Variants in IFT122 observed in about 807,000 individuals in gnomAD.
The protein encoded by IFT122 is intraflagellar transport protein 122 homolog.
A neutral mutation model predicts 161.6 loss-of-function variants in IFT122; 118 were observed. The ratio of observed to expected loss-of-function variants is 0.73; its 90% CI spans 0.63 to 0.85. The LOEUF (loss-of-function observed/expected upper bound fraction) is 0.85, where lower values mean the gene tolerates loss of function less well. IFT122 is among the 40% of genes least tolerant of loss of function. The probability of loss-of-function intolerance (pLI) is 0.00; values close to 1 mark genes in which losing one functional copy is unlikely to be tolerated. For synonymous variants in IFT122, 550 were observed against 602.4 expected, an observed-to-expected ratio of 0.91 and a Z score of 1.27; for missense variants, 1,381 against 1,579.6, an observed-to-expected ratio of 0.87 and a Z score of 2.13.
chr3:129,462,177 A>G (rs868669329), intron 5 of IFT122, among the ~76,000 whole-genome samples: 1 of 152,364 alleles, frequency 6.6e-6, no homozygotes, highest in Non-Finnish European at 1.5e-5. Flanking sequence ...TTTGTTTAAC[A>G]TATTTTATAG....
chr3:129,440,632 T>C (rs2072884872), intron 1 of IFT122, among the ~76,000 whole-genome samples: 1 of 152,214 alleles, frequency 6.6e-6, no homozygotes, highest in Non-Finnish European at 1.5e-5. Flanking sequence ...TCTGGCCCTG[T>C]CGCTGCCTTG....
chr3:129,454,426 C>G (rs1382046138), intron 3 of IFT122, among the ~76,000 whole-genome samples: 1 of 150,528 alleles, frequency 6.6e-6, no homozygotes, highest in Non-Finnish European at 1.5e-5. Context: ...AGTCATGTGA[C>G]TTGCCAAGGC....
intron 3 of IFT122, among the ~76,000 whole-genome samples, chr3:129,458,173 A>G (rs985786371): frequency 2.6e-5 from 4 of 152,228 alleles, no homozygotes; most frequent in African/African-American, 9.6e-5. Flanking sequence ...TATAATTATT[A>G]TTTGTCAAAA....
intron 27 of IFT122, among the ~76,000 whole-genome samples, chr3:129,517,975 T>A (rs2084209316): frequency 6.6e-6 from 1 of 152,186 alleles, no homozygotes; most frequent in African/African-American, 2.4e-5. Flanking sequence ...CGCATGCAAG[T>A]GACAGAGTCC....
chr3:129,447,488 A>G (rs1025564641), intron 1 of IFT122, among the ~76,000 whole-genome samples: 5 of 152,188 alleles, frequency 3.3e-5, no homozygotes, highest in Non-Finnish European at 7.3e-5. Flanking sequence ...TTCGGGTACT[A>G]GGCTTCAGAA....
At position 129,520,346 on chromosome 3, in the gene IFT122, T is replaced by A; in HGVS notation, c.*81T>A. Reference sequence around the variant, plus strand: ...TGAAGGAGAATAAAGAGTTAAACTGTCAGAATGTGTTTCTTGCCCAGATGA... The same window carrying A: ...TGAAGGAGAATAAAGAGTTAAACTGACAGAATGTGTTTCTTGCCCAGATGA... On this transcript the variant is annotated 3_prime_UTR_variant, in exon 30 of 30. Transcript: ENST00000348417. 1 of 1,093,306 alleles carries A rather than the reference T, an allele frequency of 9.1e-7. No individual in the cohort carries two copies. The highest frequency in any genetic ancestry group is 1.4e-6 in the Non-Finnish European group (1 of 739,336). The allele number at this position is 1,093,306 out of a possible 1,614,324, so 67.7% of individuals were successfully genotyped here.
chr3:129,519,871 C>A, intron 29 of IFT122, 139 bp downstream of exon 29: 2 of 1,034,608 alleles, frequency 1.9e-6, no homozygotes, highest in African/African-American at 1.6e-5. Flanking sequence ...TGTCTGTCCT[C>A]TCCCCTGCTT....
At chr3:129,459,115 A>C (rs1016605986) in intron 4 of IFT122, among the ~76,000 whole-genome samples, 1 of 152,040 alleles carries the variant, frequency 6.6e-6, no homozygotes, top group Admixed American at 6.5e-5. Flanking sequence ...TACCCTGCAG[A>C]TCTCAGACTC....
Position 129,488,348 on chromosome 3 carries a change from A to C in IFT122, c.1943A>C (p.Glu648Ala), listed in dbSNP as rs144397126. 0.014 allele frequency: 22,366 copies of C among 1,613,248 alleles called. 197 individuals carry two copies. The highest frequency in any genetic ancestry group is 0.016 in the Non-Finnish European group (19,061 of 1,179,806). Residue 648 changes from glutamate to alanine, a missense_variant, in exon 16 of 30, where the codon GAA (glutamate) becomes GCA (alanine). This residue lies in a region of IFT122 where 7 missense variants were observed against 19.4 expected (regional missense o/e 0.36). Transcript: ENST00000348417. ...CLGVTDTDWR[E>A]LAMEALEGLD... The stretch of plus-strand genomic sequence containing the variant: ...GGTGTCACAGACACTGATTGGCGTG[A>C]ACTGGCCATGGAAGCGCTAGAAGGT...
At chr3:129,493,405 G>A (rs988960810) in intron 17 of IFT122, among the ~76,000 whole-genome samples, 1 of 152,182 alleles carries the variant, frequency 6.6e-6, no homozygotes, top group African/African-American at 2.4e-5. Flanking sequence ...GCCTCATAAC[G>A]TAATCTGCTC....
At chr3:129,446,341 C>G (rs2073991353) in intron 1 of IFT122, among the ~76,000 whole-genome samples, 1 of 151,910 alleles carries the variant, frequency 6.6e-6, no homozygotes. Context: ...TCTCCTGCCT[C>G]ATCCTCCCGT....
intron 4 of IFT122, chr3:129,460,910 A>G (rs1445129376): frequency 6.2e-7 from 1 of 1,614,020 alleles, no homozygotes; most frequent in Admixed American, 1.7e-5. Context: ...GGCCTCCACA[A>G]AACAGTAAGA....
intron 3 of IFT122, chr3:129,456,378 C>G (rs1386031037): frequency 1.2e-6 from 1 of 834,164 alleles, no homozygotes; most frequent in Non-Finnish European, 1.6e-6. Context: ...GTGGCTCATG[C>G]TTGTGATCTC....
intron 3 of IFT122, 57 bp downstream of exon 3, chr3:129,452,055 T>C: frequency 7.9e-7 from 1 of 1,265,158 alleles, no homozygotes; most frequent in Non-Finnish European, 1.2e-6. Flanking sequence ...TGTTCATTTT[T>C]CTCTTTAGTC....
intron 3 of IFT122, 23 bp downstream of exon 3, chr3:129,452,021 C>G: frequency 6.5e-7 from 1 of 1,532,802 alleles, no homozygotes; most frequent in African/African-American, 1.4e-5. Flanking sequence ...TCTGGGTTTC[C>G]ATTCTCTATA....
Position 129,449,940 on chromosome 3 carries a change from AG to A in IFT122, c.108+5del. The A allele has an allele frequency of 1.2e-6, 2 of 1,603,052 alleles. No homozygotes were observed. Among genetic ancestry groups the A allele is most frequent in the Non-Finnish European group, 1.7e-6 (2 of 1,170,332 alleles). On this transcript the variant is annotated splice_donor_region_variant and intron_variant, in intron 2 of 29. Coordinates refer to ENST00000348417, the MANE Select transcript of IFT122 (RefSeq NM_052989.3). ...TGGCTGCCGGAAGCAGATTACTGGT[AG>A]GATTTTGTCTTAGTTTCCTCTTAAA...
At chr3:129,490,719 GGGCT>G (rs2079978997) in intron 16 of IFT122, among the ~76,000 whole-genome samples, 1 of 152,174 alleles carries the variant, frequency 6.6e-6, no homozygotes. Context: ...CCACTGTGCT[GGGCT>G]TTGCAGGGTT....
chr3:129,467,161 G>A (rs1476552812), intron 8 of IFT122, 95 bp downstream of exon 8: 1 of 1,199,024 alleles, frequency 8.3e-7, no homozygotes, highest in East Asian at 2.5e-5. Context: ...GGCCAAGGGA[G>A]TGCAGGGACT....
chr3:129,466,833 A>G (rs1471418523), intron 7 of IFT122, 57 bp from the exon 8 acceptor site: 6 of 1,539,508 alleles, frequency 3.9e-6, no homozygotes, highest in Non-Finnish European at 4.5e-6. Flanking sequence ...ATTTTAAATT[A>G]TAGTTTTAGT....
Sources: allele counts gnomAD v4.1 joint callset (sites outside exome capture counted in the v4.1 genomes callset), GRCh38; gene constraint gnomAD v4.1.1; regional missense constraint gnomAD v4.1.1; transcripts MANE v1.5; gene names NCBI Gene and HGNC (gene_info 2026-07-23, HGNC 2026-07-21).